GRID1: variants seen among roughly 807,000 people sequenced by gnomAD.
The protein encoded by GRID1 is glutamate ionotropic receptor delta type subunit 1, also known as glutamate receptor ionotropic, delta-1.
Under a neutral mutation model 98.0 loss-of-function variants are expected in GRID1, and 28 were observed. The observed-to-expected ratio is 0.29, with a 90% CI of 0.21 to 0.39. The LOEUF (loss-of-function observed/expected upper bound fraction) is 0.39. Ranked by LOEUF, GRID1 falls within the 10% of genes least tolerant of loss-of-function variation. GRID1 has a pLI of 1.00. For missense variants in GRID1, 1,111 were observed against 1,340.5 expected, an observed-to-expected ratio of 0.83 and a Z score of 2.67; for synonymous variants, 553 against 538.5, an observed-to-expected ratio of 1.03 and a Z score of -0.37.
chr10:86,136,753 TCTC>T (rs1485497140), intron 4 of GRID1, among the ~76,000 whole-genome samples: 1 of 152,006 alleles, frequency 6.6e-6, no homozygotes, highest in African/African-American at 2.4e-5. Flanking sequence ...TTCCCCTCAA[TCTC>T]CTGCCAACAA....
At chr10:86,154,314 C>T (rs890391738) in intron 3 of GRID1, among the ~76,000 whole-genome samples, 2 of 152,126 alleles carry the variant, frequency 1.3e-5, no homozygotes, top group Non-Finnish European at 2.9e-5. Flanking sequence ...AGCAAGCCTA[C>T]GGGAGCAGGA....
chr10:85,927,318 C>T (rs983865535), intron 4 of GRID1, among the ~76,000 whole-genome samples: 1 of 152,182 alleles, frequency 6.6e-6, no homozygotes, highest in Non-Finnish European at 1.5e-5. Flanking sequence ...CACTGTTGGT[C>T]ACCCCATGGC....
Position 85,602,035 on chromosome 10 carries a change from A to AAAG in GRID1, c.*235_*237dup. The AAAG allele has an allele frequency of 2.3e-6, 1 of 430,018 alleles. No individual in the cohort carries two copies. Among genetic ancestry groups the AAAG allele is most frequent in the Admixed American group, 3.8e-5 (1 of 26,118 alleles). The allele number at this position is 430,018 out of a possible 1,614,324, so 26.6% of individuals were successfully genotyped here. ...TTTATTCATATAGAACAAAATTTAC[A>AAAG]AAGTCATTCATACAGTTTTTGTGTT... On this transcript the variant is annotated 3_prime_UTR_variant, in exon 16 of 16. Coordinates refer to ENST00000327946, the MANE Select transcript of GRID1 (RefSeq NM_017551.3).
intron 4 of GRID1, among the ~76,000 whole-genome samples, chr10:86,129,749 G>A (rs1459245878): frequency 6.6e-6 from 1 of 152,180 alleles, no homozygotes; most frequent in Non-Finnish European, 1.5e-5. Flanking sequence ...ATGCTAGATG[G>A]ACAACAAAAT....
chr10:85,949,218 A>G (rs1842088495), intron 4 of GRID1, among the ~76,000 whole-genome samples: 2 of 152,216 alleles, frequency 1.3e-5, no homozygotes, highest in African/African-American at 2.4e-5. Context: ...TAAAATAATA[A>G]TAATTGCAAA....
intron 5 of GRID1, among the ~76,000 whole-genome samples, chr10:85,906,180 G>C (rs1252981560): frequency 6.6e-6 from 1 of 152,082 alleles, no homozygotes; most frequent in South Asian, 2.1e-4. Context: ...CCTAATGATA[G>C]AGGGTTAATA....
intron 2 of GRID1, among the ~76,000 whole-genome samples, chr10:86,251,441 G>T (rs1290201242): frequency 1.3e-5 from 2 of 152,074 alleles, no homozygotes. Flanking sequence ...TTGGGGCCAT[G>T]GCTGGTCCTC....
intron 4 of GRID1, among the ~76,000 whole-genome samples, chr10:86,113,636 C>G (rs989235116): frequency 6.6e-6 from 1 of 152,178 alleles, no homozygotes; most frequent in African/African-American, 2.4e-5. Flanking sequence ...GTGGCCTCGC[C>G]TGGTTTACCC....
chr10:85,632,902 T>C (rs1842992112), intron 13 of GRID1, among the ~76,000 whole-genome samples: 1 of 152,124 alleles, frequency 6.6e-6, no homozygotes, highest in East Asian at 1.9e-4. Flanking sequence ...TAGGCCCCAG[T>C]GTGTGTTGTT....
chr10:85,998,330 T>G (rs1423020172), intron 4 of GRID1, among the ~76,000 whole-genome samples: 2 of 152,136 alleles, frequency 1.3e-5, no homozygotes, highest in African/African-American at 4.8e-5. Context: ...TAGAATTTGG[T>G]ATTTGAAAGA....
chr10:86,063,092 TGGC>T (rs1476787758), intron 4 of GRID1, among the ~76,000 whole-genome samples: 1 of 152,202 alleles, frequency 6.6e-6, no homozygotes, highest in Non-Finnish European at 1.5e-5. Context: ...CCACCCCACC[TGGC>T]ACCCATGTGT....
chr10:85,694,440 T>C (rs1199340238), intron 12 of GRID1, among the ~76,000 whole-genome samples: 1 of 150,922 alleles, frequency 6.6e-6, no homozygotes, highest in Non-Finnish European at 1.5e-5. Flanking sequence ...GGAAAACAAA[T>C]CACTATATCA....
chr10:86,173,664 T>G (rs895707525), intron 3 of GRID1, among the ~76,000 whole-genome samples: 8 of 151,902 alleles, frequency 5.3e-5, no homozygotes, highest in Admixed American at 3.9e-4. Flanking sequence ...CATGCTGGTG[T>G]GCTGCACCCA....
chr10:85,868,581 A>G (rs974075332), intron 6 of GRID1, among the ~76,000 whole-genome samples: 27 of 152,264 alleles, frequency 1.8e-4, no homozygotes, highest in African/African-American at 6.5e-4. Context: ...GCACTCAGCC[A>G]ATGTGCTGGG....
At chr10:85,728,504 C>T (rs1461350448) in intron 9 of GRID1, among the ~76,000 whole-genome samples, 1 of 152,204 alleles carries the variant, frequency 6.6e-6, no homozygotes, top group Non-Finnish European at 1.5e-5. Flanking sequence ...AGCATTATAT[C>T]TACAGGCTAT....
rs565738338 is a variant in GRID1, at chr10:86,235,544, A to G, written c.236-28896T>C. Among the ~76,000 whole-genome samples, 3 of 152,326 alleles carry G rather than the reference A, an allele frequency of 2.0e-5. No homozygotes were observed. The East Asian group carries it at 5.8e-4, about 29-fold the overall frequency. On this transcript the variant is annotated intron_variant, in intron 2 of 15. Transcript: ENST00000327946. Reference sequence around the variant, plus strand: ...GGTCCCCTCATGCCTGTTTACAGTCAATCTCTGCTTCCACCCCCAGCTACA... The same window carrying G: ...GGTCCCCTCATGCCTGTTTACAGTCGATCTCTGCTTCCACCCCCAGCTACA...
chr10:86,041,011 C>T (rs1395023054), intron 4 of GRID1, among the ~76,000 whole-genome samples: 1 of 152,126 alleles, frequency 6.6e-6, no homozygotes, highest in Non-Finnish European at 1.5e-5. Flanking sequence ...GCTCTGCCTC[C>T]TTCTGCCTCT....
intron 14 of GRID1, among the ~76,000 whole-genome samples, chr10:85,613,958 A>C (rs1590159554): frequency 6.6e-6 from 1 of 152,250 alleles, no homozygotes; most frequent in Admixed American, 6.5e-5. Context: ...TTCTGTGGCA[A>C]GAGCTCAAGA....
intron 12 of GRID1, among the ~76,000 whole-genome samples, chr10:85,681,218 C>G (rs759763699): frequency 3.9e-5 from 6 of 152,176 alleles, no homozygotes; most frequent in Non-Finnish European, 7.4e-5. Context: ...GTTGGCTCCC[C>G]CCATGAGCCC....
Sources: allele counts gnomAD v4.1 joint callset (sites outside exome capture counted in the v4.1 genomes callset), GRCh38; gene constraint gnomAD v4.1.1; transcripts MANE v1.5; gene names NCBI Gene and HGNC (gene_info 2026-07-23, HGNC 2026-07-21).